The following MROH9 variants were observed in gnomAD, a reference collection of about 807,000 sequenced individuals.
MROH9 encodes maestro heat-like repeat-containing protein family member 9.
In MROH9, 92 loss-of-function variants were observed where a neutral mutation model predicts 98.2. The observed-to-expected ratio is 0.94, with a 90% CI of 0.79 to 1.11. MROH9 has a LOEUF of 1.11. MROH9 is among the 50% of genes most tolerant of loss of function. The pLI, the probability that MROH9 is intolerant of heterozygous loss-of-function variation, is 0.00. For missense variants in MROH9, 1,057 were observed against 1,014.8 expected (o/e 1.04, Z -0.57); for synonymous variants, 397 against 368.9 (o/e 1.08, Z -0.87).
At chr1:170,966,828 T>C (rs140172587) in intron 7 of MROH9, among the ~76,000 whole-genome samples, 13 of 152,244 alleles carry the variant, frequency 8.5e-5, no homozygotes, top group East Asian at 1.9e-4. Context: ...AGGTTCACCA[T>C]TGAAAATTTT....
intron 6 of MROH9, among the ~76,000 whole-genome samples, chr1:170,962,948 CA>C (rs1311551168): frequency 6.6e-6 from 1 of 151,942 alleles, no homozygotes; most frequent in Non-Finnish European, 1.5e-5. Context: ...ACACCAAAAG[CA>C]GTTGCAAATG....
At chr1:170,964,564 A>T (rs958239649) in intron 6 of MROH9, among the ~76,000 whole-genome samples, 4 of 152,104 alleles carry the variant, frequency 2.6e-5, no homozygotes, top group Non-Finnish European at 5.9e-5. Context: ...AAGGTTGTAA[A>T]TGTGTCCTTG....
chr1:171,044,162 G>GT (rs1653392886), intron 20 of MROH9, among the ~76,000 whole-genome samples: 1 of 152,008 alleles, frequency 6.6e-6, no homozygotes, highest in Admixed American at 6.5e-5. Flanking sequence ...TTTTTTAAGG[G>GT]TTTTTATCAT....
rs184501332 is a variant in MROH9 at position 170,975,318 on chromosome 1, T to C, written c.616+3435T>C. On this transcript the variant is annotated intron_variant, in intron 8 of 21. Transcript: ENST00000367759. ...ATAATAAAAAGAAAATTGGAGTGGC[T>C]ATATTCTATTATTATAAAAAGATAT... 1.3e-3 allele frequency among the ~76,000 whole-genome samples: 198 copies of C among 152,252 alleles called. 1 individual carries two copies. The highest frequency in any genetic ancestry group is 2.1e-3 in the Non-Finnish European group (145 of 67,992).
At chr1:170,960,674 G>A (rs1649983019) in intron 5 of MROH9, among the ~76,000 whole-genome samples, 1 of 152,218 alleles carries the variant, frequency 6.6e-6, no homozygotes, top group South Asian at 2.1e-4. Context: ...CCAAACTAGA[G>A]TTCAGTGGCA....
At position 170,985,004 on chromosome 1, in the gene MROH9, G is replaced by A. The variant is rs192278192; in HGVS notation, c.729+1470G>A. Among the ~76,000 whole-genome samples, 245 of 152,264 alleles carry A rather than the reference G, an allele frequency of 1.6e-3. 1 individual carries two copies. The highest frequency in any genetic ancestry group is 5.8e-3 in the African/African-American group (239 of 41,548). On this transcript the variant is annotated intron_variant, in intron 9 of 21. Transcript: ENST00000367759. ...GGAAGCAAAGCACCATTAAATGGGA[G>A]GGCTGGATTGAAAAACAAAACCGAA...
chr1:170,954,548 AT>A (rs1649687368), intron 3 of MROH9, among the ~76,000 whole-genome samples: 3 of 152,096 alleles, frequency 2.0e-5, no homozygotes, highest in African/African-American at 7.2e-5. Flanking sequence ...ATGTAGTTCC[AT>A]TTTTAATTTT....
chr1:170,981,008 C>A (rs570693343), intron 8 of MROH9, among the ~76,000 whole-genome samples: 148 of 152,188 alleles, frequency 9.7e-4, no homozygotes, highest in African/African-American at 3.4e-3. Context: ...GGCCAACAAA[C>A]ATGAAAAAAC....
intron 20 of MROH9, among the ~76,000 whole-genome samples, chr1:171,052,118 G>A (rs1312024046): frequency 3.9e-5 from 6 of 152,062 alleles, no homozygotes; most frequent in Admixed American, 2.0e-4. Context: ...TCAGTCTTGG[G>A]AGATTGTATG....
chr1:170,996,974 G>T (rs367773774), intron 14 of MROH9, among the ~76,000 whole-genome samples: 1 of 152,018 alleles, frequency 6.6e-6, no homozygotes, highest in African/African-American at 2.4e-5. Context: ...TGCACAGCAG[G>T]CATCAGTTTT....
chr1:171,002,809 G>A (rs772799639), intron 15 of MROH9, among the ~76,000 whole-genome samples: 1 of 152,130 alleles, frequency 6.6e-6, no homozygotes, highest in Non-Finnish European at 1.5e-5. Flanking sequence ...CTCTAGCAAG[G>A]CTGGGGAAGT....
chr1:171,008,280 A>G (rs1440733697), intron 15 of MROH9, among the ~76,000 whole-genome samples: 2 of 152,186 alleles, frequency 1.3e-5, no homozygotes, highest in East Asian at 3.9e-4. Flanking sequence ...TATAATGGTC[A>G]CAGATAGCCT....
At chr1:171,029,055 T>C (rs1652821626) in intron 20 of MROH9, among the ~76,000 whole-genome samples, 1 of 152,180 alleles carries the variant, frequency 6.6e-6, no homozygotes, top group South Asian at 2.1e-4. Context: ...ATGTTGAATA[T>C]GAGTAGTGTG....
In MROH9 at chr1:171,064,575, A is replaced by G. The variant is rs1189254232; in HGVS notation, c.*235A>G. ...ATGTCTGACAGTGATCAGAAGCCCT[A>G]TTTCATCAAAACCACTAAGACAATT... On this transcript the variant is annotated 3_prime_UTR_variant, in exon 22 of 22. Coordinates refer to ENST00000367759, the MANE Select transcript of MROH9 (RefSeq NM_001163629.2). 2.4e-6 allele frequency: 1 copy of G among 409,300 alleles called. No individual in the cohort carries two copies. Among genetic ancestry groups the G allele is most frequent in the African/African-American group, 2.1e-5 (1 of 48,194 alleles). The allele number at this position is 409,300 out of a possible 1,614,324, so 25.4% of individuals were successfully genotyped here.
intron 20 of MROH9, among the ~76,000 whole-genome samples, chr1:171,035,293 A>T (rs1653061873): frequency 6.6e-6 from 1 of 151,772 alleles, no homozygotes; most frequent in African/African-American, 2.4e-5. Context: ...AATAATAAAT[A>T]TAAAGAGGAA....
At chr1:171,050,949 A>C (rs1653646350) in intron 20 of MROH9, among the ~76,000 whole-genome samples, 1 of 152,122 alleles carries the variant, frequency 6.6e-6, no homozygotes. Context: ...TTATGTGGTG[A>C]ATCACATTTA....
chr1:171,018,898 G>C (rs1325203167), intron 17 of MROH9, among the ~76,000 whole-genome samples: 1 of 151,632 alleles, frequency 6.6e-6, no homozygotes, highest in East Asian at 2.0e-4. Flanking sequence ...GAGAAATAGG[G>C]GACAGATCAA....
chr1:171,004,852 G>C (rs1260126522), intron 15 of MROH9, among the ~76,000 whole-genome samples: 1 of 151,980 alleles, frequency 6.6e-6, no homozygotes, highest in Non-Finnish European at 1.5e-5. Flanking sequence ...TTTCAGGCCA[G>C]GACCATACTG....
intron 15 of MROH9, among the ~76,000 whole-genome samples, chr1:171,011,764 CCA>C (rs1351243407): frequency 6.6e-6 from 1 of 152,168 alleles, no homozygotes; most frequent in African/African-American, 2.4e-5. Flanking sequence ...TTGATCTAAT[CCA>C]CACTTTTTTT....
Sources: allele counts gnomAD v4.1 joint callset (sites outside exome capture counted in the v4.1 genomes callset), GRCh38; gene constraint gnomAD v4.1.1; transcripts MANE v1.5; gene names NCBI Gene and HGNC (gene_info 2026-07-23, HGNC 2026-07-21).